The following TNN variants were observed in gnomAD, a reference collection of about 807,000 sequenced individuals.
The protein encoded by TNN is tenascin-N.
A neutral mutation model predicts 134.4 loss-of-function variants in TNN; 122 were observed. That is an observed-to-expected ratio of 0.91 (90% CI 0.78 to 1.06). The LOEUF (loss-of-function observed/expected upper bound fraction) is 1.06, where lower values mean the gene tolerates loss of function less well. Among genes scored for constraint, TNN ranks in the 50% least tolerant of loss-of-function variants. The pLI is 0.00. For missense variants in TNN, 1,739 were observed against 1,699.4 expected (o/e 1.02, Z -0.41); for synonymous variants, 710 against 670.3 (o/e 1.06, Z -0.91).
intron 4 of TNN, 151 bp downstream of exon 4, chr1:175,080,577 C>G: frequency 1.0e-6 from 1 of 989,458 alleles, no homozygotes; most frequent in Non-Finnish European, 1.5e-6. Context: ...CCAGTTCTCT[C>G]TCTTCTTTCC....
At chr1:175,092,364 A>G (rs1297995029) in intron 6 of TNN, among the ~76,000 whole-genome samples, 1 of 151,644 alleles carries the variant, frequency 6.6e-6, no homozygotes, top group Non-Finnish European at 1.5e-5. Flanking sequence ...CTAATTGTCC[A>G]CTCTGTCATT....
At position 175,103,981 on chromosome 1, in the gene TNN, G is replaced by A. The variant is rs1417328315; in HGVS notation, c.2119+5386G>A. On this transcript the variant is annotated intron_variant, in intron 9 of 18. Coordinates refer to ENST00000239462, the MANE Select transcript of TNN (RefSeq NM_022093.2). Reference sequence around the variant, plus strand: ...CAGTGTTGATTCCCTCCTCAAGTAGGGGACAACAAATGGGTAACTTGTTCC... The same window carrying A: ...CAGTGTTGATTCCCTCCTCAAGTAGAGGACAACAAATGGGTAACTTGTTCC... 1.4e-5 allele frequency among the ~76,000 whole-genome samples: 2 copies of A among 145,620 alleles called. 1 individual carries two copies. Among genetic ancestry groups the A allele is most frequent in the Non-Finnish European group, 3.0e-5 (2 of 65,744 alleles).
At chr1:175,145,572 A>AAAAAAAAAAAAAAAAAAAAAC (rs1558378523) in intron 18 of TNN, among the ~76,000 whole-genome samples, 1 of 149,518 alleles carries the variant, frequency 6.7e-6, no homozygotes, top group Non-Finnish European at 1.5e-5. Context: ...AAAAAAAAAA[A>AAAAAAAAAAAAAAAAAAAAAC]AAAGCTGTCT....
At chr1:175,100,587 A>G (rs972660430) in intron 9 of TNN, among the ~76,000 whole-genome samples, 6 of 152,218 alleles carry the variant, frequency 3.9e-5, no homozygotes, top group Admixed American at 3.3e-4. Context: ...TGGAATGTAG[A>G]TATCCATTTT....
chr1:175,102,627 A>T (rs1321402582), intron 9 of TNN, among the ~76,000 whole-genome samples: 1 of 145,512 alleles, frequency 6.9e-6, no homozygotes, highest in Non-Finnish European at 1.5e-5. Flanking sequence ...GCCCACCTAG[A>T]ACTCCAGCTG....
In TNN at chr1:175,079,401, G is replaced by C; in HGVS notation, c.478G>C (p.Gly160Arg). 6.3e-7 allele frequency: 1 copy of C among 1,597,204 alleles called. No individual in the cohort carries two copies. The highest frequency in any genetic ancestry group is 8.5e-7 in the Non-Finnish European group (1 of 1,175,458). The change falls in exon 3 of 19, where the codon GGC (glycine) becomes CGC (arginine). Residue 160 changes from glycine (G) to arginine (R), a missense_variant. Physicochemically the swap from Gly to Arg is moderately radical, Grantham distance 125. Coordinates refer to ENST00000239462, the MANE Select transcript of TNN (RefSeq NM_022093.2). ...GACCTGCAGCTGCCACTGCGAAGAGGGCAGGGAGGGCCCCGCCTGCGAGCG... is the reference window on the plus strand; with the variant it reads ...GACCTGCAGCTGCCACTGCGAAGAGCGCAGGGAGGGCCCCGCCTGCGAGCG... ...LETCSCHCEEGREGPACERLA... is the reference protein window; with the variant it reads ...LETCSCHCEERREGPACERLA...
At position 175,123,597 on chromosome 1, in the gene TNN, A is replaced by C. The variant is rs376203928; in HGVS notation, c.2848A>C (p.Met950Leu). Residue 950 changes from methionine (M) to leucine (L), a missense_variant, in exon 12 of 19, where the codon ATG becomes CTG. Physicochemically the swap from Met to Leu is conservative, Grantham distance 15 (BLOSUM62 2). Coordinates refer to ENST00000239462, the MANE Select transcript of TNN (RefSeq NM_022093.2). ...GGGCCTGAGACCAGGCATGGAGTAC[A>C]TGGTGCACGTGTGGGCCCAGAAGGG... The part of the protein sequence containing the change: ...LTGLRPGMEY[M>L]VHVWAQKGAQ... 2 of 1,614,184 alleles carry C rather than the reference A, an allele frequency of 1.2e-6. No homozygotes were observed. Among genetic ancestry groups the C allele is most frequent in the African/African-American group, 2.7e-5 (2 of 75,054 alleles).
rs971039589 is a variant in TNN at position 175,080,237 on chromosome 1, CA to C, written c.860del (p.Gln287ArgfsTer42). On this transcript the variant is annotated frameshift_variant, in exon 4 of 19. Transcript: ENST00000239462. LOFTEE classifies it high-confidence loss of function. ...SLLVSWEPSS[Q>X]VDHYLLSYYP... The stretch of plus-strand genomic sequence containing the variant: ...GCTGGTGAGCTGGGAGCCCTCCAGC[CA>C]GGTGGATCACTACCTCCTCAGCTAC... The C allele has an allele frequency of 2.5e-6, 4 of 1,614,118 alleles. No individual in the cohort carries two copies. Among genetic ancestry groups the C allele is most frequent in the Non-Finnish European group, 2.5e-6 (3 of 1,179,990 alleles).
chr1:175,084,038 C>T, intron 5 of TNN, 103 bp downstream of exon 5: 2 of 1,214,120 alleles, frequency 1.6e-6, no homozygotes, highest in East Asian at 2.4e-5. Flanking sequence ...TGTGCACAGA[C>T]AGCCCAGGGG....
At chr1:175,135,972 TG>T (rs765028208) in intron 16 of TNN, 31 bp downstream of exon 16, 2 of 1,514,442 alleles carry the variant, frequency 1.3e-6, no homozygotes, top group Admixed American at 1.7e-5. Flanking sequence ...AGGCTGGGGC[TG>T]TGGGGGGTGA....
At chr1:175,116,720 T>C (rs1675174793) in intron 9 of TNN, among the ~76,000 whole-genome samples, 1 of 152,204 alleles carries the variant, frequency 6.6e-6, no homozygotes, top group South Asian at 2.1e-4. Context: ...GCTTCTGACT[T>C]TGGATTTAGT....
intron 9 of TNN, among the ~76,000 whole-genome samples, chr1:175,110,375 G>A (rs1050031313): frequency 2.6e-5 from 4 of 152,286 alleles, no homozygotes; most frequent in Middle Eastern, 3.4e-3. Flanking sequence ...TCAGCTTGAT[G>A]TATTTCCATT....
intron 9 of TNN, among the ~76,000 whole-genome samples, chr1:175,107,901 G>C (rs941181532): frequency 1.5e-5 from 2 of 136,170 alleles, no homozygotes; most frequent in African/African-American, 6.0e-5. Flanking sequence ...CAAACCTTGA[G>C]CTAAACACAG....
chr1:175,132,129 C>G (rs1675690949), intron 15 of TNN, among the ~76,000 whole-genome samples: 1 of 152,058 alleles, frequency 6.6e-6, no homozygotes, highest in African/African-American at 2.4e-5. Flanking sequence ...TACATGTATC[C>G]TAAAATTCCA....
chr1:175,123,322 G>A (rs1445481536), intron 11 of TNN, 78 bp from the exon 12 acceptor site: 12 of 1,480,172 alleles, frequency 8.1e-6, no homozygotes, highest in Non-Finnish European at 1.0e-5. Flanking sequence ...ATGATGGAGA[G>A]CTCCTGGTGA....
At chr1:175,132,038 G>C (rs547536309) in intron 15 of TNN, among the ~76,000 whole-genome samples, 2 of 151,938 alleles carry the variant, frequency 1.3e-5, no homozygotes, top group South Asian at 2.1e-4. Context: ...ATGCATTCTA[G>C]GGGGGCAGGG....
chr1:175,103,132 G>C (rs1023296687), intron 9 of TNN, among the ~76,000 whole-genome samples: 3 of 146,084 alleles, frequency 2.1e-5, no homozygotes, highest in Admixed American at 6.9e-5. Flanking sequence ...TGACAAGAAG[G>C]TTAAAAATAC....
chr1:175,097,607 T>C lies in TNN; in HGVS notation c.1779T>C (p.Gly593=), dbSNP rs746674418. The C allele has an allele frequency of 1.3e-5, 21 of 1,613,998 alleles. No homozygotes were observed. Among genetic ancestry groups the C allele is most frequent in the Admixed American group, 1.0e-4 (6 of 59,986 alleles). The part of the protein sequence containing the change: ...SSTVLTGLRP[G]VEYTVHVWAQ... ...CTGTCCTGACAGGCCTGAGGCCAGG[T>C]GTGGAGTACACAGTGCATGTCTGGG... is the stretch of plus-strand genomic sequence containing the variant. Residue 593 remains glycine (G), a synonymous_variant, in exon 8 of 19, where the codon GGT becomes GGC. Transcript: ENST00000239462.
chr1:175,077,055 A>G (rs1390170867), intron 1 of TNN, among the ~76,000 whole-genome samples: 1 of 152,158 alleles, frequency 6.6e-6, no homozygotes, highest in Non-Finnish European at 1.5e-5. Flanking sequence ...AAAGATCCAG[A>G]ATTAGGGGGA....
Sources: gnomAD v4.1 joint callset for allele counts (sites outside exome capture counted in the v4.1 genomes callset) on GRCh38, gnomAD v4.1.1 for gene constraint, MANE v1.5 for transcripts, NCBI Gene and HGNC (gene_info 2026-07-23, HGNC 2026-07-21) for gene names.